Variants in USP44 observed in about 807,000 individuals in gnomAD.
USP44 encodes the protein ubiquitin carboxyl-terminal hydrolase 44.
A neutral mutation model predicts 69.0 loss-of-function variants in USP44; 61 were observed. The ratio of observed to expected loss-of-function variants is 0.88; its 90% CI spans 0.72 to 1.09. The LOEUF (loss-of-function observed/expected upper bound fraction) is 1.09, where lower values mean the gene tolerates loss of function less well. Ranked by LOEUF, USP44 falls within the 50% of genes least tolerant of loss-of-function variation. USP44 has a pLI of 0.00. For missense variants in USP44, 753 were observed against 849.9 expected (o/e 0.89, Z 1.42); for synonymous variants, 297 against 295.4 (o/e 1.01, Z -0.06).
intron 1 of USP44, among the ~76,000 whole-genome samples, chr12:95,537,320 A>T (rs555115148): frequency 6.6e-6 from 1 of 152,144 alleles, no homozygotes; most frequent in South Asian, 2.1e-4. Flanking sequence ...AATAATTTTT[A>T]TATTATTTTA....
intron 4 of USP44, 111 bp from the exon 5 acceptor site, chr12:95,521,313 A>G (rs1480586541): frequency 8.4e-6 from 8 of 954,440 alleles, no homozygotes. Flanking sequence ...ACAAAGTATC[A>G]TATGTAATAT....
chr12:95,532,760 A>G, intron 2 of USP44, 69 bp downstream of exon 2: 1 of 1,339,400 alleles, frequency 7.5e-7, no homozygotes, highest in Non-Finnish European at 1.0e-6. Flanking sequence ...TGTACATAGA[A>G]TATGCCTTTT....
chr12:95,547,252 T>C (rs2077602732), intron 1 of USP44, among the ~76,000 whole-genome samples: 1 of 152,238 alleles, frequency 6.6e-6, no homozygotes, highest in African/African-American at 2.4e-5. Flanking sequence ...AACTGTTCAA[T>C]ATTAGAATAT....
rs758493649 is a variant in USP44, at chr12:95,524,770, GA to G, written c.1642del (p.Ser548ProfsTer15). ...TTCTGTGAGTACAACTGGTTTGGAG[GA>G]AAACCTTCTACGCTTTGCTGTAACA... ...DQCNSKRRRF[S>X]SKPVVLTEAQ... On this transcript the variant is annotated frameshift_variant, in exon 4 of 6. Transcript: ENST00000258499. LOFTEE classifies it high-confidence loss of function. 6.2e-7 allele frequency: 1 copy of G among 1,609,732 alleles called. No homozygotes were observed. Among genetic ancestry groups the G allele is most frequent in the South Asian group, 1.1e-5 (1 of 89,760 alleles).
At chr12:95,550,150 C>T (rs1592766197) in intron 1 of USP44, among the ~76,000 whole-genome samples, 2 of 142,448 alleles carry the variant, frequency 1.4e-5, no homozygotes, top group East Asian at 2.1e-4. Context: ...TGCACTCAAG[C>T]CTGGGCAGCA....
At chr12:95,549,828 G>C (rs2077690338) in intron 1 of USP44, among the ~76,000 whole-genome samples, 1 of 152,194 alleles carries the variant, frequency 6.6e-6, no homozygotes, top group African/African-American at 2.4e-5. Flanking sequence ...TCCAAACACC[G>C]TAAAAGGCAA....
At chr12:95,523,824 G>T (rs951907782) in intron 4 of USP44, among the ~76,000 whole-genome samples, 1 of 151,792 alleles carries the variant, frequency 6.6e-6, no homozygotes, top group Non-Finnish European at 1.5e-5. Context: ...GGACATCAAA[G>T]GTATTAGAAA....
chr12:95,525,964 T>C (rs991497194), intron 3 of USP44, among the ~76,000 whole-genome samples: 1 of 152,202 alleles, frequency 6.6e-6, no homozygotes, highest in Non-Finnish European at 1.5e-5. Context: ...GCGATCCAGG[T>C]ATCTGGCTGC....
At chr12:95,522,853 G>T (rs1335023641) in intron 4 of USP44, among the ~76,000 whole-genome samples, 1 of 151,112 alleles carries the variant, frequency 6.6e-6, no homozygotes, top group Non-Finnish European at 1.5e-5. Context: ...CCCCTAGATA[G>T]CTTCAGGATG....
chr12:95,548,538 G>A lies in USP44; in HGVS notation c.-71+2734C>T, dbSNP rs896430287. ...CCGCAGAACCCACCGAAACTTCCCAGGGGGGCAATTCAAAATTCGCCGGAC... is the reference window on the plus strand; with the variant it reads ...CCGCAGAACCCACCGAAACTTCCCAAGGGGGCAATTCAAAATTCGCCGGAC... On this transcript the variant is annotated intron_variant, in intron 1 of 5. Coordinates refer to ENST00000258499, the MANE Select transcript of USP44 (RefSeq NM_032147.5). The surrounding 1 kb of genome is among the most constrained non-coding windows in gnomAD (Gnocchi z 4.1). The A allele has an allele frequency of 6.6e-6, 1 of 152,272 alleles. No homozygotes were observed. Among genetic ancestry groups the A allele is most frequent in the Admixed American group, 6.5e-5 (1 of 15,276 alleles). The allele number at this position is 152,272 out of a possible 1,614,324, so 9.4% of individuals were successfully genotyped here. A position where few individuals can be genotyped will look rare whatever the true frequency, so the allele number is the denominator to read the frequency against.
At position 95,517,739 on chromosome 12, in the gene USP44, C is replaced by G. The variant is rs1254941995; in HGVS notation, c.*415G>C. On this transcript the variant is annotated 3_prime_UTR_variant, in exon 6 of 6. Transcript: ENST00000258499. ...ATAACTCCAAGGGGCAAGGTAACTT[C>G]AATATACAAATGAAAGACTATTAGT... is the stretch of plus-strand genomic sequence containing the variant. 6.2e-6 allele frequency: 1 copy of G among 161,590 alleles called. No individual in the cohort carries two copies. Among genetic ancestry groups the G allele is most frequent in the South Asian group, 1.7e-4 (1 of 5,992 alleles). The allele number at this position is 161,590 out of a possible 1,614,324, so 10.0% of individuals were successfully genotyped here.
chr12:95,542,794 A>C (rs1387442131), intron 1 of USP44, among the ~76,000 whole-genome samples: 1 of 150,712 alleles, frequency 6.6e-6, no homozygotes, highest in Non-Finnish European at 1.5e-5. Context: ...AGAGGTTGAA[A>C]ATAGTAAGTC....
chr12:95,521,918 G>T (rs2076677505), intron 4 of USP44: 3 of 525,710 alleles, frequency 5.7e-6, no homozygotes, highest in Non-Finnish European at 4.9e-6. Context: ...TATTTCCTCA[G>T]AACACTTCAG....
At chr12:95,525,876 G>A (rs1360381465) in intron 3 of USP44, among the ~76,000 whole-genome samples, 2 of 152,196 alleles carry the variant, frequency 1.3e-5, no homozygotes, top group Admixed American at 6.5e-5. Context: ...TGCTTCTCAT[G>A]TGGGAAGCAG....
At chr12:95,545,547 T>C (rs1405681173) in intron 1 of USP44, among the ~76,000 whole-genome samples, 8 of 152,188 alleles carry the variant, frequency 5.3e-5, no homozygotes, top group Admixed American at 5.2e-4. Context: ...AAAACAACTT[T>C]ATCCATAGTT....
chr12:95,528,974 G>C lies in USP44; in HGVS notation c.1457C>G (p.Ser486Ter). 1 of 1,612,676 alleles carries C rather than the reference G, an allele frequency of 6.2e-7. No homozygotes were observed. The highest frequency in any genetic ancestry group is 8.5e-7 in the Non-Finnish European group (1 of 1,179,488). The change falls in exon 3 of 6, where the codon TCA becomes TGA. Residue 486 changes from serine (S) to a stop codon, truncating the protein, a stop_gained. Coordinates refer to ENST00000258499, the MANE Select transcript of USP44 (RefSeq NM_032147.5). LOFTEE classifies it high-confidence loss of function. ...GTCCCAGAAAGGTTCTATGGTATTT[G>C]ATTTGTTGTCACATGCAAGACATGT... ...QVTCLACDNK[S>*]NTIEPFWDLS...
At chr12:95,532,566 T>C (rs899464051) in intron 2 of USP44, among the ~76,000 whole-genome samples, 5 of 152,120 alleles carry the variant, frequency 3.3e-5, no homozygotes, top group African/African-American at 1.2e-4. Flanking sequence ...ATGAATGTAA[T>C]ATTGGTAACC....
intron 4 of USP44, among the ~76,000 whole-genome samples, chr12:95,523,705 A>G (rs66781054): frequency 0.093 from 14,093 of 150,886 alleles, 722 homozygotes; most frequent in East Asian, 0.2. Flanking sequence ...AAAAAAAAAA[A>G]AGAGATACAA....
At position 95,533,379 on chromosome 12, in the gene USP44, T is replaced by G. The variant is rs1351067997; in HGVS notation, c.878A>C (p.His293Pro). The change falls in exon 2 of 6, where the codon CAT becomes CCT. Residue 293 changes from histidine (H) to proline (P), a missense_variant. Coordinates refer to ENST00000258499, the MANE Select transcript of USP44 (RefSeq NM_032147.5). ...YMNSVLQVLS[H>P]LLIFRQCFLK... is the part of the protein sequence containing the mutation. ...AAAACATTGTCGAAAAATAAGTAAA[T>G]GACTCAACACCTGAAGAACAGAATT... 1 of 1,613,286 alleles carries G rather than the reference T, an allele frequency of 6.2e-7. No individual in the cohort carries two copies. The highest frequency in any genetic ancestry group is 8.5e-7 in the Non-Finnish European group (1 of 1,179,474).
Sources: gnomAD v4.1 joint callset for allele counts (sites outside exome capture counted in the v4.1 genomes callset) on GRCh38, gnomAD v4.1.1 for gene constraint, Gnocchi (gnomAD v3.1) non-coding constraint, MANE v1.5 for transcripts, NCBI Gene and HGNC (gene_info 2026-07-23, HGNC 2026-07-21) for gene names.